POLN: variants seen among roughly 807,000 people sequenced by gnomAD.
POLN encodes DNA polymerase N.
In POLN, 108 loss-of-function variants were observed where a neutral mutation model predicts 113.5. That is an observed-to-expected ratio of 0.95 (90% CI 0.81 to 1.12). The LOEUF is 1.12. Among genes scored for constraint, POLN ranks in the 50% most tolerant of loss-of-function variants. The pLI, the probability that POLN is intolerant of heterozygous loss-of-function variation, is 0.00. For synonymous variants in POLN, 386 were observed against 391.5 expected, an observed-to-expected ratio of 0.99 and a Z score of 0.17; for missense variants, 1,097 against 1,077.1, an observed-to-expected ratio of 1.02 and a Z score of -0.26.
chr4:2,154,889 C>A (rs1333152847), intron 16 of POLN, among the ~76,000 whole-genome samples: 2 of 152,106 alleles, frequency 1.3e-5, no homozygotes, highest in African/African-American at 4.8e-5. Context: ...TGGCTGAATG[C>A]ACATGTTATG....
Position 2,208,206 on chromosome 4 carries a change from T to A in POLN, c.495A>T (p.Ser165=). The A allele has an allele frequency of 6.2e-7, 1 of 1,601,518 alleles. No individual in the cohort carries two copies. Among genetic ancestry groups the A allele is most frequent in the Non-Finnish European group, 8.6e-7 (1 of 1,168,902 alleles). The part of the protein sequence containing the change: ...KRKHITYNNL[S]EKTSKQMALE... ...ATGCCATTTGTTTACTTGTTTTCTCTGACAAATTATTATATGTAATATGTT... is the reference window on the plus strand; with the variant it reads ...ATGCCATTTGTTTACTTGTTTTCTCAGACAAATTATTATATGTAATATGTT... Residue 165 remains serine (S), a synonymous_variant, in exon 5 of 26, where the codon TCA becomes TCT. Transcript: ENST00000511885.
At position 2,236,857 on chromosome 4, in the gene POLN, C is replaced by T. The variant is rs188114771; in HGVS notation, c.-13+4663G>A. On this transcript the variant is annotated intron_variant, in intron 2 of 25. Transcript: ENST00000511885. ...CAGCCTGGGCGACAGAGTGAGACTC[C>T]GTCTCCAAATAATAATAATAATAAT... Among the ~76,000 whole-genome samples the T allele has an allele frequency of 1.9e-3, 282 of 150,368 alleles. 3 individuals are homozygous for T. The highest frequency in any genetic ancestry group is 2.6e-3 in the Non-Finnish European group (178 of 67,650).
intron 11 of POLN, among the ~76,000 whole-genome samples, chr4:2,173,029 C>A (rs1273498216): frequency 6.6e-6 from 1 of 152,180 alleles, no homozygotes; most frequent in East Asian, 1.9e-4. Context: ...AAAGGCCACA[C>A]GTAAGTCACT....
chr4:2,221,822 G>A (rs369234553), intron 3 of POLN, among the ~76,000 whole-genome samples: 3 of 152,096 alleles, frequency 2.0e-5, no homozygotes, highest in East Asian at 3.9e-4. Flanking sequence ...GGATCCACCC[G>A]CCTCAGCCTC....
chr4:2,241,486 T>C (rs895030547), intron 2 of POLN, 34 bp downstream of exon 2: 4 of 985,156 alleles, frequency 4.1e-6, no homozygotes, highest in Non-Finnish European at 4.8e-6. Flanking sequence ...CAAATAAGCA[T>C]GGCACATCTT....
At chr4:2,181,616 G>A (rs1293259466) in intron 7 of POLN, among the ~76,000 whole-genome samples, 5 of 151,944 alleles carry the variant, frequency 3.3e-5, no homozygotes, top group African/African-American at 1.2e-4. Context: ...CAGACAAGAA[G>A]ATTCAACATA....
intron 6 of POLN, among the ~76,000 whole-genome samples, chr4:2,198,040 A>AG (rs1733623581): frequency 6.6e-6 from 1 of 152,220 alleles, no homozygotes; most frequent in African/African-American, 2.4e-5. Context: ...TGATTCTAAG[A>AG]GGGCCGGTCC....
At chr4:2,232,673 AC>A (rs1734624928) in intron 2 of POLN, among the ~76,000 whole-genome samples, 9 of 150,926 alleles carry the variant, frequency 6.0e-5, no homozygotes, top group African/African-American at 2.2e-4. Context: ...ATAGAATTAC[AC>A]ATGACATTCC....
chr4:2,081,353 A>G (rs1308910805), intron 22 of POLN: 4 of 669,000 alleles, frequency 6.0e-6, no homozygotes, highest in Non-Finnish European at 1.0e-5. Flanking sequence ...TAAACCATAG[A>G]AGCCTCAGTT....
At chr4:2,188,790 A>G (rs908969149) in intron 7 of POLN, among the ~76,000 whole-genome samples, 1 of 152,182 alleles carries the variant, frequency 6.6e-6, no homozygotes, top group Non-Finnish European at 1.5e-5. Context: ...ATAAATCTAT[A>G]AAAAACAGTA....
At chr4:2,163,691 C>T (rs540680991) in intron 13 of POLN, among the ~76,000 whole-genome samples, 5 of 152,374 alleles carry the variant, frequency 3.3e-5, no homozygotes, top group African/African-American at 4.8e-5. Flanking sequence ...TAGGCTCCCC[C>T]GCCCAATTCT....
At chr4:2,167,007 G>A (rs1021178442) in intron 13 of POLN, among the ~76,000 whole-genome samples, 5 of 152,024 alleles carry the variant, frequency 3.3e-5, no homozygotes, top group South Asian at 2.1e-4. Context: ...ACAGTTCCTC[G>A]CTGGAATAGA....
intron 19 of POLN, among the ~76,000 whole-genome samples, chr4:2,119,448 A>G (rs1435593090): frequency 6.6e-6 from 1 of 151,918 alleles, no homozygotes; most frequent in East Asian, 1.9e-4. Flanking sequence ...AAGCTGCTGG[A>G]GCTGCAGTAA....
At chr4:2,188,841 C>T (rs1733353728) in intron 7 of POLN, among the ~76,000 whole-genome samples, 1 of 152,088 alleles carries the variant, frequency 6.6e-6, no homozygotes, top group Admixed American at 6.6e-5. Flanking sequence ...CATATAAAAA[C>T]ACATAAATCG....
chr4:2,216,081 C>T (rs924436167), intron 3 of POLN, among the ~76,000 whole-genome samples: 23 of 152,180 alleles, frequency 1.5e-4, no homozygotes, highest in African/African-American at 5.5e-4. Flanking sequence ...CTTCCCTGCC[C>T]CCAGTTATGT....
intron 5 of POLN, among the ~76,000 whole-genome samples, chr4:2,199,785 C>CT: frequency 6.6e-6 from 1 of 152,042 alleles, no homozygotes; most frequent in East Asian, 1.9e-4. Flanking sequence ...CACTGTGTTC[C>CT]AGGCTGGTCT....
At chr4:2,142,235 T>G (rs1400147838) in intron 16 of POLN, among the ~76,000 whole-genome samples, 1 of 152,236 alleles carries the variant, frequency 6.6e-6, no homozygotes, top group African/African-American at 2.4e-5. Context: ...CAAGTTCTAG[T>G]TGAAAGCCAG....
intron 2 of POLN, chr4:2,240,641 T>C: frequency 6.2e-7 from 1 of 1,613,770 alleles, no homozygotes; most frequent in Non-Finnish European, 8.5e-7. Context: ...CCTCATCCTC[T>C]AATTTCTCCA....
intron 3 of POLN, among the ~76,000 whole-genome samples, chr4:2,215,451 A>G (rs1218227848): frequency 6.6e-6 from 1 of 152,238 alleles, no homozygotes; most frequent in African/African-American, 2.4e-5. Flanking sequence ...GACAATGGCT[A>G]AGATGCAGTC....
Sources: allele counts gnomAD v4.1 joint callset (sites outside exome capture counted in the v4.1 genomes callset), GRCh38; gene constraint gnomAD v4.1.1; transcripts MANE v1.5; gene names NCBI Gene and HGNC (gene_info 2026-07-23, HGNC 2026-07-21).